The following UBAP2 variants were observed in gnomAD, a reference collection of about 807,000 sequenced individuals.
The protein encoded by UBAP2 is ubiquitin associated protein 2, also known as ubiquitin-associated protein 2.
A neutral mutation model predicts 139.6 loss-of-function variants in UBAP2; 75 were observed. The ratio of observed to expected loss-of-function variants is 0.54; its 90% CI spans 0.45 to 0.65. The LOEUF (loss-of-function observed/expected upper bound fraction) is 0.65. Among genes scored for constraint, UBAP2 ranks in the 30% least tolerant of loss-of-function variants. The pLI is 0.00. For missense variants in UBAP2, 1,368 were observed against 1,369.6 expected, an observed-to-expected ratio of 1.00 and a Z score of 0.02; for synonymous variants, 526 against 526.2, an observed-to-expected ratio of 1.00 and a Z score of 0.01.
At chr9:34,042,073 G>T (rs912473058) in intron 1 of UBAP2, among the ~76,000 whole-genome samples, 1 of 152,036 alleles carries the variant, frequency 6.6e-6, no homozygotes, top group South Asian at 2.1e-4. Context: ...AAGAGTGAAA[G>T]AATCAAGCAT....
At chr9:33,945,793 C>A (rs972051544) in intron 13 of UBAP2, among the ~76,000 whole-genome samples, 2 of 152,152 alleles carry the variant, frequency 1.3e-5, no homozygotes, top group Admixed American at 6.5e-5. Flanking sequence ...ACACAGAAAT[C>A]TAGTACACAT....
chr9:34,035,514 A>AAAAATATATATATATATATAT, intron 1 of UBAP2, among the ~76,000 whole-genome samples: 8 of 22,490 alleles, frequency 3.6e-4, no homozygotes, highest in Non-Finnish European at 7.8e-4. Context: ...AAAAAAAAAA[A>AAAAATATATATATATATATAT]ATATATATAT....
Position 33,933,157 on chromosome 9 carries a change from C to CATCATT in UBAP2, c.2108+332_2108+333insAATGAT, listed in dbSNP as rs1404532298. 5.9e-5 allele frequency among the ~76,000 whole-genome samples: 9 copies of CATCATT among 152,190 alleles called. 1 individual carries two copies. Among genetic ancestry groups the CATCATT allele is most frequent in the Admixed American group, 3.9e-4 (6 of 15,270 alleles). On this transcript the variant is annotated intron_variant, in intron 18 of 28. Transcript: ENST00000379238. The stretch of plus-strand genomic sequence containing the variant: ...TCAGAAATCCATCATTCTCATTCCA[C>CATCATT]CTCAGTGACATGGGCCCAGCGATGC...
intron 2 of UBAP2, among the ~76,000 whole-genome samples, chr9:34,002,313 G>A (rs1307612378): frequency 1.3e-5 from 2 of 150,998 alleles, no homozygotes; most frequent in African/African-American, 4.9e-5. Flanking sequence ...ATCACTCACA[G>A]ACACAATTTA....
At position 33,947,772 on chromosome 9, in the gene UBAP2, G is replaced by A. The variant is rs913809126; in HGVS notation, c.1270+602C>T. 2.0e-4 allele frequency among the ~76,000 whole-genome samples: 30 copies of A among 151,470 alleles called. 1 individual carries two copies. Among genetic ancestry groups the A allele is most frequent in the Admixed American group, 2.6e-4 (4 of 15,166 alleles). ...CCTGGGAGGTCAAGATGGCAGTGAC[G>A]CGTTACTGTGCCACTGTACTCCAGC... On this transcript the variant is annotated intron_variant, in intron 13 of 28. Coordinates refer to ENST00000379238, the MANE Select transcript of UBAP2 (RefSeq NM_001370062.2).
chr9:34,031,879 G>A (rs1365902626), intron 1 of UBAP2, among the ~76,000 whole-genome samples: 3 of 152,032 alleles, frequency 2.0e-5, no homozygotes, highest in South Asian at 4.1e-4. Flanking sequence ...GTTCATGCCC[G>A]TAATCTCAAC....
chr9:34,045,394 T>G (rs1827488339), intron 1 of UBAP2, among the ~76,000 whole-genome samples: 1 of 151,838 alleles, frequency 6.6e-6, no homozygotes, highest in African/African-American at 2.4e-5. Flanking sequence ...AATTTTTTTT[T>G]GAGACGGAGT....
rs73479264 is a variant in UBAP2 at position 33,964,972 on chromosome 9, A to G, written c.680-1181T>C. Among the ~76,000 whole-genome samples, 1,270 of 152,322 alleles carry G rather than the reference A, an allele frequency of 8.3e-3. 17 individuals carry two copies. Among genetic ancestry groups the G allele is most frequent in the African/African-American group, 0.028 (1,177 of 41,578 alleles). Reference sequence around the variant, plus strand: ...TTAATAGGTGAATGGGGGTAACTCAATGTGGCTTTACTTTGTATTTCTCCA... The same window carrying G: ...TTAATAGGTGAATGGGGGTAACTCAGTGTGGCTTTACTTTGTATTTCTCCA... On this transcript the variant is annotated intron_variant, in intron 8 of 28. Coordinates refer to ENST00000379238, the MANE Select transcript of UBAP2 (RefSeq NM_001370062.2).
chr9:33,941,612 G>T (rs780691853), intron 16 of UBAP2, 37 bp downstream of exon 16: 2 of 1,523,054 alleles, frequency 1.3e-6, no homozygotes, highest in South Asian at 1.1e-5. Flanking sequence ...CAAATAAGAC[G>T]GACATCTTCT....
chr9:33,943,606 G>A lies in UBAP2; in HGVS notation c.1546-17C>T, dbSNP rs375282777. On this transcript the variant is annotated splice_polypyrimidine_tract_variant and intron_variant, in intron 14 of 28. Transcript: ENST00000379238. ...AGCTGGGATCTGAAAAAGCAAAGCT[G>A]TCGTGTCAGGAACAGAGGTCACAGA... 1 of 1,613,610 alleles carries A rather than the reference G, an allele frequency of 6.2e-7. No homozygotes were observed. The highest frequency in any genetic ancestry group is 8.5e-7 in the Non-Finnish European group (1 of 1,179,754).
At chr9:33,925,616 T>C (rs945594893) in intron 22 of UBAP2, among the ~76,000 whole-genome samples, 1 of 152,184 alleles carries the variant, frequency 6.6e-6, no homozygotes, top group Non-Finnish European at 1.5e-5. Flanking sequence ...AAAGGGCTGC[T>C]GGTTTGCACA....
chr9:33,948,034 T>A (rs1339185817), intron 13 of UBAP2, among the ~76,000 whole-genome samples: 5 of 151,292 alleles, frequency 3.3e-5, no homozygotes, highest in African/African-American at 1.2e-4. Flanking sequence ...TTCTATGTTC[T>A]ATCACCACCC....
intron 6 of UBAP2, 30 bp downstream of exon 6, chr9:33,986,730 A>T (rs1442899730): frequency 6.3e-7 from 1 of 1,595,426 alleles, no homozygotes; most frequent in South Asian, 1.1e-5. Flanking sequence ...CCTAATTGAA[A>T]GCATTTTCTT....
intron 17 of UBAP2, chr9:33,934,491 G>C (rs1824282460): frequency 6.4e-6 from 1 of 155,678 alleles, no homozygotes; most frequent in South Asian, 2.0e-4. Flanking sequence ...CTTACACCTA[G>C]GTCAGTTCTT....
chr9:33,961,395 C>G (rs920753913), intron 9 of UBAP2, among the ~76,000 whole-genome samples: 3 of 152,156 alleles, frequency 2.0e-5, no homozygotes, highest in African/African-American at 7.2e-5. Context: ...TAATAGGTCT[C>G]CAGCAAAGTT....
At chr9:34,037,338 T>C (rs1826523890) in intron 1 of UBAP2, among the ~76,000 whole-genome samples, 1 of 152,158 alleles carries the variant, frequency 6.6e-6, no homozygotes, top group South Asian at 2.1e-4. Flanking sequence ...TTTCACCATG[T>C]TGGCCAGGCT....
chr9:34,033,754 TA>T (rs1300701434), intron 1 of UBAP2, among the ~76,000 whole-genome samples: 1 of 150,942 alleles, frequency 6.6e-6, no homozygotes, highest in Non-Finnish European at 1.5e-5. Flanking sequence ...TTTTTTTTTT[TA>T]AACAGAGTTT....
intron 19 of UBAP2, among the ~76,000 whole-genome samples, chr9:33,930,895 C>CA (rs57202118): frequency 0.024 from 1,715 of 72,680 alleles, 39 homozygotes; most frequent in Non-Finnish European, 0.027. Context: ...GACTGCATCT[C>CA]AAAAAAAAAA....
At chr9:33,951,576 A>G (rs1826113322) in intron 12 of UBAP2, among the ~76,000 whole-genome samples, 1 of 151,484 alleles carries the variant, frequency 6.6e-6, no homozygotes, top group African/African-American at 2.4e-5. Context: ...CAAACTCCTG[A>G]CCTCAGGTGA....
Sources: allele counts gnomAD v4.1 joint callset (sites outside exome capture counted in the v4.1 genomes callset), GRCh38; gene constraint gnomAD v4.1.1; transcripts MANE v1.5; gene names NCBI Gene and HGNC (gene_info 2026-07-23, HGNC 2026-07-21).